Variants in ZNF682 observed in about 807,000 individuals in gnomAD.
ZNF682 encodes zinc finger protein 682.
Under a neutral mutation model 36.5 loss-of-function variants are expected in ZNF682, and 29 were observed. The observed-to-expected ratio is 0.80, with a 90% CI of 0.59 to 1.08. ZNF682 has a LOEUF of 1.08. Ranked by LOEUF, ZNF682 falls within the 50% of genes least tolerant of loss-of-function variation. ZNF682 has a pLI of 0.00. For missense variants in ZNF682, 561 were observed against 579.7 expected (o/e 0.97, Z 0.33); for synonymous variants, 180 against 197.0 (o/e 0.91, Z 0.72).
intron 3 of ZNF682, among the ~76,000 whole-genome samples, chr19:20,017,254 C>G (rs1350495573): frequency 6.6e-6 from 1 of 152,098 alleles, no homozygotes; most frequent in Non-Finnish European, 1.5e-5. Flanking sequence ...AGATTGAACC[C>G]TTTAAAAAAG....
At chr19:20,002,683 G>A (rs765787800), downstream of ZNF682, among the ~76,000 whole-genome samples, 7 of 152,040 alleles carry the variant, frequency 4.6e-5, no homozygotes, top group Non-Finnish European at 8.8e-5. Flanking sequence ...ACTCCAATTG[G>A]AACACTAATT....
chr19:19,995,264 A>G (rs2088123189), downstream of ZNF682, among the ~76,000 whole-genome samples: 1 of 152,202 alleles, frequency 6.6e-6, no homozygotes, highest in South Asian at 2.1e-4. Flanking sequence ...AGGAGAATGG[A>G]AAAGGTTTAC....
intron 3 of ZNF682, among the ~76,000 whole-genome samples, chr19:20,011,252 T>A (rs887971857): frequency 6.6e-6 from 1 of 152,088 alleles, no homozygotes; most frequent in Non-Finnish European, 1.5e-5. Context: ...AATAAATAAA[T>A]AGATAAATCA....
chr19:20,023,607 C>T (rs773595475), intron 2 of ZNF682, among the ~76,000 whole-genome samples: 53 of 151,972 alleles, frequency 3.5e-4, no homozygotes, highest in African/African-American at 1.1e-3. Context: ...ACTACTTAAT[C>T]GAAAATTGGT....
chr19:20,011,631 C>T (rs2122322920), intron 3 of ZNF682, among the ~76,000 whole-genome samples: 1 of 152,268 alleles, frequency 6.6e-6, no homozygotes, highest in African/African-American at 2.4e-5. Flanking sequence ...AACTCAATAG[C>T]AAGAGGAACC....
At chr19:19,999,426 T>A (rs79329839), downstream of ZNF682, among the ~76,000 whole-genome samples, 2 of 145,944 alleles carry the variant, frequency 1.4e-5, no homozygotes, top group Non-Finnish European at 3.0e-5. Flanking sequence ...AGAGATTTTT[T>A]AAAAATGGGC....
rs759069579 is a variant in ZNF682 at position 20,023,098 on chromosome 19, A to G, written c.132T>C (p.Gly44=). ...TCAGTTCTGGCTTAGAAACAGTAAG[A>G]CCTGTTTTATTAGAAAAAAGTAATG... ...LENYRNLVSL[G]LTVSKPELIS... Residue 44 remains glycine (G), a splice_region_variant and synonymous_variant, in exon 3 of 4, where the codon GGT becomes GGC. Transcript: ENST00000397165. 24 of 1,613,078 alleles carry G rather than the reference A, an allele frequency of 1.5e-5. No homozygotes were observed. The Admixed American group carries it at 4.0e-4, about 27-fold the overall frequency.
chr19:20,029,124 G>A (rs1315083309), intron 1 of ZNF682, among the ~76,000 whole-genome samples: 2 of 151,536 alleles, frequency 1.3e-5, no homozygotes, highest in Admixed American at 1.3e-4. Context: ...GATTATAGGT[G>A]CCTGCCACCA....
chr19:20,020,473 G>T (rs945258105), intron 3 of ZNF682, among the ~76,000 whole-genome samples: 2 of 151,970 alleles, frequency 1.3e-5, no homozygotes, highest in African/African-American at 2.4e-5. Flanking sequence ...CTCCAGCCTG[G>T]GTGACAGGGT....
intron 1 of ZNF682, among the ~76,000 whole-genome samples, chr19:20,033,210 T>C (rs1245401808): frequency 1.3e-5 from 2 of 150,122 alleles, no homozygotes; most frequent in Non-Finnish European, 3.0e-5. Flanking sequence ...GAGGTGGAGG[T>C]TGCGGTGAGC....
At chr19:20,002,185 C>A (rs986846849), downstream of ZNF682, among the ~76,000 whole-genome samples, 1 of 151,858 alleles carries the variant, frequency 6.6e-6, no homozygotes, top group Admixed American at 6.6e-5. Flanking sequence ...CAGGTTCAAG[C>A]GATTCCCCTG....
Position 20,031,448 on chromosome 19 carries a change from T to C in ZNF682, c.4-7072A>G, listed in dbSNP as rs532654688. 2.6e-5 allele frequency among the ~76,000 whole-genome samples: 4 copies of C among 152,358 alleles called. No homozygotes were observed. In the East Asian group the frequency reaches 5.8e-4, roughly 22 times the overall value. On this transcript the variant is annotated intron_variant, in intron 1 of 3. Coordinates refer to ENST00000397165, the MANE Select transcript of ZNF682 (RefSeq NM_033196.3). The stretch of plus-strand genomic sequence containing the variant: ...GGGCTCTAAAATGTCGATGTTGACC[T>C]GTCACGATGCAGAAAATGTTTCCTA...
At chr19:20,010,513 G>A (rs747558666) in intron 3 of ZNF682, among the ~76,000 whole-genome samples, 2 of 152,002 alleles carry the variant, frequency 1.3e-5, no homozygotes, top group African/African-American at 2.4e-5. Context: ...ACAAAAATTA[G>A]CCAGGAGTGG....
chr19:20,016,824 C>G (rs2088338203), intron 3 of ZNF682, among the ~76,000 whole-genome samples: 1 of 152,062 alleles, frequency 6.6e-6, no homozygotes, highest in African/African-American at 2.4e-5. Flanking sequence ...CTACAATTCT[C>G]TACTATAATA....
chr19:20,000,764 T>C (rs941536904), downstream of ZNF682, among the ~76,000 whole-genome samples: 4 of 152,342 alleles, frequency 2.6e-5, no homozygotes, highest in South Asian at 6.2e-4. Flanking sequence ...GAGTCATCTA[T>C]GGTAAAAACA....
At chr19:20,003,464 G>T (rs1427969771), downstream of ZNF682, among the ~76,000 whole-genome samples, 1 of 151,850 alleles carries the variant, frequency 6.6e-6, no homozygotes, top group Non-Finnish European at 1.5e-5. Context: ...TAGCACTTTG[G>T]GAGGCTGAGG....
chr19:20,000,288 G>C (rs1195844542), downstream of ZNF682, among the ~76,000 whole-genome samples: 1 of 152,204 alleles, frequency 6.6e-6, no homozygotes, highest in Non-Finnish European at 1.5e-5. Flanking sequence ...TCTTTGGTGA[G>C]AGATGCTCAA....
chr19:20,015,778 T>A (rs900103505), intron 3 of ZNF682: 2 of 397,894 alleles, frequency 5.0e-6, no homozygotes, highest in Non-Finnish European at 8.9e-6. Context: ...ACTTACATAA[T>A]ACTAGGGAAA....
intron 1 of ZNF682, among the ~76,000 whole-genome samples, chr19:20,026,997 G>A (rs2088437676): frequency 6.6e-6 from 1 of 152,186 alleles, no homozygotes; most frequent in Admixed American, 6.5e-5. Flanking sequence ...AAGTAGAGAA[G>A]TAAAAGTTTG....
Sources: gnomAD v4.1 joint callset for allele counts (sites outside exome capture counted in the v4.1 genomes callset) on GRCh38, gnomAD v4.1.1 for gene constraint, MANE v1.5 for transcripts, NCBI Gene and HGNC (gene_info 2026-07-23, HGNC 2026-07-21) for gene names.